PCTP: variants seen among roughly 807,000 people sequenced by gnomAD.
PCTP encodes phosphatidylcholine transfer protein, also known as START domain-containing protein 2.
Under a neutral mutation model 31.0 loss-of-function variants are expected in PCTP, and 27 were observed. The ratio of observed to expected loss-of-function variants is 0.87; its 90% CI spans 0.64 to 1.20. The LOEUF (loss-of-function observed/expected upper bound fraction) is 1.20. Ranked by LOEUF, PCTP falls within the 50% of genes most tolerant of loss-of-function variation. The probability of loss-of-function intolerance (pLI) is 0.00; values close to 1 mark genes in which losing one functional copy is unlikely to be tolerated. For missense variants in PCTP, 287 were observed against 268.2 expected (o/e 1.07, Z -0.49); for synonymous variants, 108 against 101.2 (o/e 1.07, Z -0.40).
intron 3 of PCTP, among the ~76,000 whole-genome samples, chr17:55,808,712 C>G (rs1912652846): frequency 6.6e-6 from 1 of 152,136 alleles, no homozygotes; most frequent in Non-Finnish European, 1.5e-5. Flanking sequence ...GGACCTTAAT[C>G]CTGCTGTAAC....
At chr17:55,761,324 T>C (rs1910329330) in intron 1 of PCTP, among the ~76,000 whole-genome samples, 1 of 152,008 alleles carries the variant, frequency 6.6e-6, no homozygotes, top group Non-Finnish European at 1.5e-5. Flanking sequence ...ATTAGAAAAC[T>C]CCTTCAAATA....
At chr17:55,846,959 C>G (rs1228352513), downstream of PCTP, among the ~76,000 whole-genome samples, 1 of 152,192 alleles carries the variant, frequency 6.6e-6, no homozygotes, top group Non-Finnish European at 1.5e-5. Flanking sequence ...CCTTGCTAGA[C>G]TGTAAATTCC....
intron 3 of PCTP, among the ~76,000 whole-genome samples, chr17:55,808,339 C>T (rs8070303): frequency 0.042 from 6,451 of 152,288 alleles, 444 homozygotes; most frequent in African/African-American, 0.14. Context: ...GAGAAGCATT[C>T]TCTACCACTT....
At chr17:55,778,624 C>CGGGGGT (rs1250491035), downstream of PCTP, among the ~76,000 whole-genome samples, 1 of 151,920 alleles carries the variant, frequency 6.6e-6, no homozygotes, top group African/African-American at 2.4e-5. Context: ...GCGGGGTGGG[C>CGGGGGT]GGTTTCTAGA....
At chr17:55,794,577 G>T (rs1912119577) in intron 3 of PCTP, among the ~76,000 whole-genome samples, 1 of 151,800 alleles carries the variant, frequency 6.6e-6, no homozygotes, top group African/African-American at 2.4e-5. Context: ...TAAGTTATGG[G>T]TTATATGCAA....
chr17:55,820,197 G>A (rs1228868776), intron 3 of PCTP, among the ~76,000 whole-genome samples: 1 of 152,140 alleles, frequency 6.6e-6, no homozygotes, highest in Non-Finnish European at 1.5e-5. Context: ...TAACTTTTGT[G>A]CTTCAAAAGA....
At position 55,751,129 on chromosome 17, in the gene PCTP, C is replaced by A; in HGVS notation, c.26C>A (p.Ser9Ter). The change falls in exon 1 of 6, where the codon TCG becomes TAG. Residue 9 changes from serine to a stop codon, truncating the protein, a stop_gained. Coordinates refer to ENST00000268896, the MANE Select transcript of PCTP (RefSeq NM_021213.4). LOFTEE classifies it high-confidence loss of function. MELAAGSF[S>*]EEQFWEACAE... The stretch of plus-strand genomic sequence containing the variant: ...ATGGAGCTGGCCGCCGGAAGCTTCT[C>A]GGAGGAGCAGTTCTGGGAGGCCTGC... 2 of 1,543,802 alleles carry A rather than the reference C, an allele frequency of 1.3e-6. No individual in the cohort carries two copies. The highest frequency in any genetic ancestry group is 2.4e-5 in the South Asian group (2 of 83,546).
downstream of PCTP, among the ~76,000 whole-genome samples, chr17:55,845,085 C>CAAAAAAAAAAAAAAAAAAAAAAA (rs891404386): frequency 1.5e-4 from 5 of 32,524 alleles, 1 homozygote; most frequent in East Asian, 2.9e-3. Flanking sequence ...AAAACTCCAT[C>CAAAAAAAAAAAAAAAAAAAAAAA]AAAAAAAAAA....
At chr17:55,782,703 G>T (rs957252062) in intron 2 of PCTP, among the ~76,000 whole-genome samples, 1 of 151,940 alleles carries the variant, frequency 6.6e-6, no homozygotes, top group African/African-American at 2.4e-5. Flanking sequence ...ATCAGTCATT[G>T]TACCAGTTGT....
intron 3 of PCTP, 71 bp from the exon 4 acceptor site, chr17:55,773,653 C>T: frequency 6.8e-7 from 1 of 1,470,650 alleles, no homozygotes; most frequent in South Asian, 1.3e-5. Context: ...CCTTTGCTTC[C>T]AGCTTGTGGC....
chr17:55,754,107 G>A (rs1909861543), intron 1 of PCTP, among the ~76,000 whole-genome samples: 1 of 152,160 alleles, frequency 6.6e-6, no homozygotes, highest in Non-Finnish European at 1.5e-5. Context: ...TCAGTTTTGC[G>A]GTGGACGTCA....
At chr17:55,807,454 G>A (rs1002835756) in intron 3 of PCTP, among the ~76,000 whole-genome samples, 9 of 152,182 alleles carry the variant, frequency 5.9e-5, no homozygotes, top group East Asian at 3.9e-4. Context: ...CTCTCCTTCC[G>A]TCCTTCCCAT....
chr17:55,798,934 G>T (rs920798515), intron 3 of PCTP, among the ~76,000 whole-genome samples: 1 of 151,070 alleles, frequency 6.6e-6, no homozygotes, highest in Non-Finnish European at 1.5e-5. Flanking sequence ...AGACAGCAAG[G>T]GTAAATATTT....
intron 3 of PCTP, among the ~76,000 whole-genome samples, chr17:55,818,425 A>T (rs373294525): frequency 1.3e-5 from 2 of 152,238 alleles, no homozygotes; most frequent in South Asian, 4.1e-4. Flanking sequence ...TGCTCTAAGC[A>T]GATAGATCTT....
intron 1 of PCTP, among the ~76,000 whole-genome samples, chr17:55,754,885 G>T (rs1324839148): frequency 6.6e-6 from 1 of 152,010 alleles, no homozygotes. Context: ...ATGTATGTGG[G>T]TGTGTGTGTA....
chr17:55,794,020 C>T (rs1290784890), intron 3 of PCTP, among the ~76,000 whole-genome samples: 1 of 152,050 alleles, frequency 6.6e-6, no homozygotes, highest in Non-Finnish European at 1.5e-5. Context: ...GGCTGCATTG[C>T]AGAAATGAGA....
intron 5 of PCTP, among the ~76,000 whole-genome samples, chr17:55,831,827 A>T (rs922333203): frequency 2.0e-5 from 3 of 152,152 alleles, no homozygotes; most frequent in African/African-American, 7.2e-5. Flanking sequence ...CACACCTGTA[A>T]TCCCAGCACT....
chr17:55,825,687 A>C (rs1905369841), downstream of PCTP, among the ~76,000 whole-genome samples: 2 of 152,202 alleles, frequency 1.3e-5, no homozygotes, highest in African/African-American at 4.8e-5. Flanking sequence ...TCCTTGCAAC[A>C]ATGAAAACAG....
At chr17:55,837,228 T>A (rs1298793034) in intron 5 of PCTP, among the ~76,000 whole-genome samples, 1 of 152,200 alleles carries the variant, frequency 6.6e-6, no homozygotes, top group Non-Finnish European at 1.5e-5. Context: ...TTAGACATAA[T>A]GCTGCAAGCA....
Sources: gnomAD v4.1 joint callset for allele counts (sites outside exome capture counted in the v4.1 genomes callset) on GRCh38, gnomAD v4.1.1 for gene constraint, MANE v1.5 for transcripts, NCBI Gene and HGNC (gene_info 2026-07-23, HGNC 2026-07-21) for gene names.